ZBTB40: variants seen among roughly 807,000 people sequenced by gnomAD.
ZBTB40 encodes zinc finger and BTB domain containing 40.
Under a neutral mutation model 117.5 loss-of-function variants are expected in ZBTB40, and 60 were observed. The observed-to-expected ratio is 0.51, with a 90% CI of 0.41 to 0.63. The LOEUF (loss-of-function observed/expected upper bound fraction) is 0.63. ZBTB40 is among the 30% of genes least tolerant of loss of function. The pLI is 0.00. For synonymous variants in ZBTB40, 525 were observed against 577.1 expected, an observed-to-expected ratio of 0.91 and a Z score of 1.29; for missense variants, 1,287 against 1,498.5, an observed-to-expected ratio of 0.86 and a Z score of 2.33.
At chr1:22,503,113 C>CTTTT (rs11449962) in intron 5 of ZBTB40, among the ~76,000 whole-genome samples, 1 of 146,952 alleles carries the variant, frequency 6.8e-6, no homozygotes, top group African/African-American at 2.5e-5. Context: ...CATTAGTATC[C>CTTTT]TTTTTTTTTT....
intron 1 of ZBTB40, among the ~76,000 whole-genome samples, chr1:22,445,194 A>G (rs561604557): frequency 2.6e-5 from 4 of 152,268 alleles, no homozygotes; most frequent in East Asian, 1.9e-4. Context: ...CGTTCAGCCA[A>G]TTTTGGGGGG....
At position 22,500,751 on chromosome 1, in the gene ZBTB40, C is replaced by T. The variant is rs139824941; in HGVS notation, c.832-741C>T. Among the ~76,000 whole-genome samples the T allele has an allele frequency of 9.4e-3, 1,432 of 152,282 alleles. 19 individuals are homozygous for T. The highest frequency in any genetic ancestry group is 0.011 in the Non-Finnish European group (746 of 68,026). ...TTCAGGCTGAAAGCAGTCATTCACA[C>T]GGGGTAATTAACATGTGAGTCATAT... is the stretch of plus-strand genomic sequence containing the variant. On this transcript the variant is annotated intron_variant, in intron 3 of 17. Transcript: ENST00000375647.
At chr1:22,508,943 C>G (rs1026321426) in intron 8 of ZBTB40, among the ~76,000 whole-genome samples, 157 bp from the exon 9 acceptor site, 2 of 152,206 alleles carry the variant, frequency 1.3e-5, no homozygotes, top group African/African-American at 4.8e-5. Context: ...TTATTATACT[C>G]TGATTACAGT....
chr1:22,507,880 T>G, intron 6 of ZBTB40, 121 bp from the exon 7 acceptor site: 1 of 1,440,740 alleles, frequency 6.9e-7, no homozygotes, highest in Non-Finnish European at 9.7e-7. Flanking sequence ...GCCAGGGCTC[T>G]GCAGAGGACA....
At chr1:22,447,671 C>T (rs1640805335), upstream of ZBTB40, among the ~76,000 whole-genome samples, 1 of 152,222 alleles carries the variant, frequency 6.6e-6, no homozygotes. Context: ...GTCAGGCCCG[C>T]AGAAGTGCTA....
chr1:22,469,071 C>G (rs576228689), intron 1 of ZBTB40, among the ~76,000 whole-genome samples: 2 of 152,136 alleles, frequency 1.3e-5, no homozygotes, highest in Non-Finnish European at 2.9e-5. Flanking sequence ...TCAAGGGATC[C>G]TCCTGCCTTG....
At chr1:22,431,240 G>A (rs1418294397) in intron 1 of ZBTB40, among the ~76,000 whole-genome samples, 1 of 83,110 alleles carries the variant, frequency 1.2e-5, no homozygotes, top group Non-Finnish European at 2.0e-5. Context: ...TTTATATATA[G>A]TATGCATATA....
At position 22,521,358 on chromosome 1, in the gene ZBTB40, C is replaced by T. The variant is rs1013449981; in HGVS notation, c.3049-138C>T. On this transcript the variant is annotated intron_variant, in intron 14 of 17. Transcript: ENST00000375647. ...ACCAGGCTTTCCTCACATCAGCACC[C>T]GGTGTGATAGGTAAGAGTGTGTGAT... The T allele has an allele frequency of 5.4e-5, 59 of 1,083,020 alleles. 1 individual carries two copies. The highest frequency in any genetic ancestry group is 1.3e-4 in the East Asian group (5 of 38,994). The allele number at this position is 1,083,020 out of a possible 1,614,324, so 67.1% of individuals were successfully genotyped here. A position where few individuals can be genotyped will look rare whatever the true frequency, so the allele number is the denominator to read the frequency against.
rs758985745 is a variant in ZBTB40 at position 22,506,078 on chromosome 1, A to G, written c.1197A>G (p.Thr399=). ...TTCTGAATTGCTGTGAGGGCAGAAC[A>G]CCCAAGGAGACAATAGAAAATTTGT... ...RVILNCCEGR[T]PKETIENLLH... The change falls in exon 6 of 18, where the codon ACA becomes ACG. Residue 399 remains threonine, a synonymous_variant. Transcript: ENST00000375647. 5.0e-6 allele frequency: 8 copies of G among 1,614,174 alleles called. No homozygotes were observed. Among genetic ancestry groups the G allele is most frequent in the Middle Eastern group, 1.6e-4 (1 of 6,062 alleles).
In ZBTB40 at chr1:22,490,409, C is replaced by T. The variant is rs1437940198; in HGVS notation, c.461C>T (p.Ala154Val). The T allele has an allele frequency of 3.1e-6, 5 of 1,611,762 alleles. No individual in the cohort carries two copies. ...GTAGAAATCCTTTCATCTGAAGGTGCTGGAGAGCCTCATTCTTCCCCAGAG... is the reference window on the plus strand; with the variant it reads ...GTAGAAATCCTTTCATCTGAAGGTGTTGGAGAGCCTCATTCTTCCCCAGAG... ...PQVEILSSEGAGEPHSSPELA... is the reference protein window; with the variant it reads ...PQVEILSSEGVGEPHSSPELA... The change falls in exon 2 of 18, where the codon GCT becomes GTT. Residue 154 changes from alanine (A) to valine (V), a missense_variant. This residue lies in a region of ZBTB40 where 870 missense variants were observed against 934.4 expected (regional missense o/e 0.93). Transcript: ENST00000375647.
chr1:22,474,201 T>G (rs1356339818), intron 1 of ZBTB40, among the ~76,000 whole-genome samples: 1 of 152,172 alleles, frequency 6.6e-6, no homozygotes, highest in Non-Finnish European at 1.5e-5. Flanking sequence ...GCCATTCGAG[T>G]ATCGCTCCAA....
chr1:22,437,681 A>C (rs558804105), intron 1 of ZBTB40, among the ~76,000 whole-genome samples: 1 of 151,866 alleles, frequency 6.6e-6, no homozygotes, highest in Non-Finnish European at 1.5e-5. Flanking sequence ...CAGCCTCCCA[A>C]AGCGCTGGGA....
intron 7 of ZBTB40, 76 bp downstream of exon 7, chr1:22,508,213 T>C: frequency 6.7e-7 from 1 of 1,500,756 alleles, no homozygotes; most frequent in African/African-American, 1.4e-5. Flanking sequence ...CACACACACA[T>C]TTATATTTTC....
Position 22,511,920 on chromosome 1 carries a change from C to G in ZBTB40, c.2247C>G (p.Cys749Trp). The change falls in exon 11 of 18, where the codon TGC becomes TGG. Residue 749 changes from cysteine (C) to tryptophan (W), a missense_variant. Physicochemically the swap from Cys to Trp is radical, Grantham distance 215. This residue lies in a region of ZBTB40 where 870 missense variants were observed against 934.4 expected (regional missense o/e 0.93). Transcript: ENST00000375647. ...GCGACAAAAGCTTCCATTTCTACTG[C>G]CGCCTAAAGGTGCACATGAAGCGCT... The part of the protein sequence containing the change: ...KACDKSFHFY[C>W]RLKVHMKRCR... 1 of 1,614,176 alleles carries G rather than the reference C, an allele frequency of 6.2e-7. No homozygotes were observed. Among genetic ancestry groups the G allele is most frequent in the Middle Eastern group, 1.6e-4 (1 of 6,062 alleles).
chr1:22,434,179 G>A (rs1343351104), intron 1 of ZBTB40, among the ~76,000 whole-genome samples: 1 of 152,260 alleles, frequency 6.6e-6, no homozygotes, highest in African/African-American at 2.4e-5. Flanking sequence ...GTTTTCATTT[G>A]CATAATAATA....
At chr1:22,506,622 A>G in intron 6 of ZBTB40, among the ~76,000 whole-genome samples, 1 of 152,186 alleles carries the variant, frequency 6.6e-6, no homozygotes, top group African/African-American at 2.4e-5. Flanking sequence ...CATTTCCACT[A>G]GAGTGCTGTT....
intron 1 of ZBTB40, among the ~76,000 whole-genome samples, chr1:22,458,721 T>C (rs929478483): frequency 1.6e-4 from 25 of 152,218 alleles, no homozygotes; most frequent in African/African-American, 5.8e-4. Context: ...TTTAAAAAAT[T>C]AATTAATTTT....
At chr1:22,451,842 C>G (rs926023504), upstream of ZBTB40, 43 of 152,284 alleles carry the variant, frequency 2.8e-4, no homozygotes, top group African/African-American at 9.9e-4. Context: ...GGGCCGCCCC[C>G]TCCCCTCTGA....
chr1:22,453,128 G>T (rs1399245653), intron 1 of ZBTB40, among the ~76,000 whole-genome samples: 1 of 152,178 alleles, frequency 6.6e-6, no homozygotes, highest in African/African-American at 2.4e-5. Context: ...ACCTGGAATT[G>T]TTTGTTCTTC....
Sources: gnomAD v4.1 joint callset for allele counts (sites outside exome capture counted in the v4.1 genomes callset) on GRCh38, gnomAD v4.1.1 for gene constraint, gnomAD v4.1.1 regional missense constraint, MANE v1.5 for transcripts, NCBI Gene and HGNC (gene_info 2026-07-23, HGNC 2026-07-21) for gene names.